The following DEFB119 variants were observed in gnomAD, a reference collection of about 807,000 sequenced individuals.
DEFB119 encodes the protein defensin beta 119, also known as beta-defensin 119.
DEFB119 carries 3 observed loss-of-function variants against 2.5 expected under a neutral mutation model. The ratio of observed to expected loss-of-function variants is 1.19; its 90% CI spans 0.54 to 3.07. DEFB119 has a LOEUF of 3.07. Ranked by LOEUF, DEFB119 falls within the 30% of genes most tolerant of loss-of-function variation. DEFB119 has a pLI of 0.03. For missense variants in DEFB119, 113 were observed against 101.1 expected (o/e 1.12, Z -0.50); for synonymous variants, 29 against 33.7 (o/e 0.86, Z 0.48).
chr20:31,377,389 A>T lies in DEFB119; in HGVS notation c.112T>A (p.Ser38Thr), dbSNP rs1185587520. 1.9e-6 allele frequency: 3 copies of T among 1,613,896 alleles called. No homozygotes were observed. The highest frequency in any genetic ancestry group is 2.5e-6 in the Non-Finnish European group (3 of 1,179,978). The change falls in exon 2 of 2, where the codon TCT (serine) becomes ACT (threonine). Residue 38 changes from serine to threonine, a missense_variant. Transcript: ENST00000376321. ...TAGGGCTGTTCGTTCTTTTTGCAAG[A>T]GGCCCTACAAATTCCACTGTTACCC... Reference protein sequence around the residue: ...CMGNSGICRASCKKNEQPYLY... With the variant: ...CMGNSGICRATCKKNEQPYLY...
Position 31,386,415 on chromosome 20 carries a change from C to T in DEFB119, c.61+4008G>A, listed in dbSNP as rs552738825. Among the ~76,000 whole-genome samples, 4 of 152,104 alleles carry T rather than the reference C, an allele frequency of 2.6e-5. No individual in the cohort carries two copies. In the East Asian group the frequency reaches 7.7e-4, roughly 29 times the overall value. On this transcript the variant is annotated intron_variant, in intron 1 of 1. Transcript: ENST00000376321. ...AGTGGGCTGAAAAATAGATTGTGAACCTAAGTATGCATCAACAGATGAACG... is the reference window on the plus strand; with the variant it reads ...AGTGGGCTGAAAAATAGATTGTGAATCTAAGTATGCATCAACAGATGAACG...
Position 31,390,440 on chromosome 20 carries a change from T to G in DEFB119, c.44A>C (p.Glu15Ala). 1 of 1,612,394 alleles carries G rather than the reference T, an allele frequency of 6.2e-7. No individual in the cohort carries two copies. Among genetic ancestry groups the G allele is most frequent in the East Asian group, 2.2e-5 (1 of 44,746 alleles). The change falls in exon 1 of 2, where the codon GAA becomes GCA. Residue 15 changes from glutamate to alanine, a missense_variant. Glu to Ala is a moderately radical substitution (Grantham distance 107, BLOSUM62 -1). Coordinates refer to ENST00000376321, the MANE Select transcript of DEFB119 (RefSeq NM_153289.4). ...CACGTTACCTGATATCACTGGTTCT[T>G]CTATGGCCAGAAGGATGGCAAGAAA... ...YLFLAILLAI[E>A]EPVISGKRHI...
intron 1 of DEFB119, chr20:31,378,365 G>A (rs1432186081): frequency 6.2e-7 from 1 of 1,614,142 alleles, no homozygotes; most frequent in Non-Finnish European, 8.5e-7. Flanking sequence ...GCAGTATCCA[G>A]GCAGCATCCC....
chr20:31,389,178 G>C, intron 1 of DEFB119: 1 of 1,614,146 alleles, frequency 6.2e-7, no homozygotes, highest in Non-Finnish European at 8.5e-7. Flanking sequence ...GTATGATGCT[G>C]TCTTCACCAT....
intron 1 of DEFB119, among the ~76,000 whole-genome samples, chr20:31,387,742 G>T (rs1488934097): frequency 6.6e-6 from 1 of 152,158 alleles, no homozygotes; most frequent in African/African-American, 2.4e-5. Context: ...CCTTGAAGCA[G>T]GCACAAGGTT....
At chr20:31,380,607 G>A (rs760189710) in intron 1 of DEFB119, among the ~76,000 whole-genome samples, 10 of 151,734 alleles carry the variant, frequency 6.6e-5, no homozygotes, top group African/African-American at 1.2e-4. Context: ...AAGGTGTGAC[G>A]TTTAGGTTTA....
At chr20:31,379,660 A>AT (rs35167239) in intron 1 of DEFB119, among the ~76,000 whole-genome samples, 74 of 137,218 alleles carry the variant, frequency 5.4e-4, no homozygotes, top group East Asian at 4.7e-3. Flanking sequence ...CACCCAACTA[A>AT]TTTTTTTTTT....
upstream of DEFB119, chr20:31,390,621 A>C (rs1986901025): frequency 1.4e-6 from 1 of 740,222 alleles, no homozygotes; most frequent in Non-Finnish European, 2.2e-6. Flanking sequence ...GATTTATATG[A>C]GGTCATCCAG....
chr20:31,386,092 A>T (rs1986693015), intron 1 of DEFB119, among the ~76,000 whole-genome samples: 1 of 152,006 alleles, frequency 6.6e-6, no homozygotes, highest in Non-Finnish European at 1.5e-5. Flanking sequence ...AGGGACAGTC[A>T]TGGGAGGTGA....
intron 1 of DEFB119, among the ~76,000 whole-genome samples, chr20:31,385,127 T>G (rs766469564): frequency 2.0e-5 from 3 of 152,196 alleles, no homozygotes; most frequent in Non-Finnish European, 1.5e-5. Context: ...ACTATTATTC[T>G]GCTAGATGGA....
chr20:31,383,205 T>C (rs779317585), intron 1 of DEFB119, among the ~76,000 whole-genome samples: 22 of 152,154 alleles, frequency 1.4e-4, no homozygotes, highest in Non-Finnish European at 3.1e-4. Flanking sequence ...AATTGAATCA[T>C]GGGAGTAGGT....
upstream of DEFB119, chr20:31,390,610 G>A (rs529827734): frequency 8.4e-6 from 7 of 836,680 alleles, no homozygotes; most frequent in East Asian, 1.8e-4. Flanking sequence ...GAACAGGAGG[G>A]GATTTATATG....
At chr20:31,388,836 C>A in intron 1 of DEFB119, 2 of 1,048,762 alleles carry the variant, frequency 1.9e-6, no homozygotes, top group Non-Finnish European at 2.7e-6. Context: ...ATCTTCAAGA[C>A]TGTAATGATC....
chr20:31,389,758 A>C (rs543634904), intron 1 of DEFB119, among the ~76,000 whole-genome samples: 2 of 152,208 alleles, frequency 1.3e-5, no homozygotes, highest in South Asian at 4.1e-4. Flanking sequence ...GCCTGCCTTA[A>C]TTAGAACTCC....
chr20:31,390,557 G>T lies in DEFB119; in HGVS notation c.-74C>A. 5 of 1,441,994 alleles carry T rather than the reference G, an allele frequency of 3.5e-6. No homozygotes were observed. Among genetic ancestry groups the T allele is most frequent in the Non-Finnish European group, 4.8e-6 (5 of 1,036,182 alleles). 89.3% of individuals were successfully genotyped at this position (1,441,994 alleles called of 1,614,324 possible). A position where few individuals can be genotyped will look rare whatever the true frequency, so the allele number is the denominator to read the frequency against. On this transcript the variant is annotated 5_prime_UTR_variant, in exon 1 of 2. Transcript: ENST00000376321. ...ATAGGGTTCCCTGCAGCACGGCAGA[G>T]ATGAGCTTTGCTTTTATCAGCAGGG...
At chr20:31,386,762 T>C (rs906822611) in intron 1 of DEFB119, among the ~76,000 whole-genome samples, 1 of 151,942 alleles carries the variant, frequency 6.6e-6, no homozygotes, top group African/African-American at 2.4e-5. Flanking sequence ...GTAGGGTGAC[T>C]ATAGTTAACA....
chr20:31,387,922 G>C (rs1986773303), intron 1 of DEFB119, among the ~76,000 whole-genome samples: 2 of 152,216 alleles, frequency 1.3e-5, no homozygotes, highest in South Asian at 4.1e-4. Flanking sequence ...TCTAAGGGCA[G>C]AAATATTGAG....
At chr20:31,386,810 C>CTTTTTTTTTT (rs148428945) in intron 1 of DEFB119, among the ~76,000 whole-genome samples, 19 of 108,904 alleles carry the variant, frequency 1.7e-4, no homozygotes, top group African/African-American at 2.4e-4. Context: ...TTTTCTTTTT[C>CTTTTTTTTTT]TTTTTTTTTT....
intron 1 of DEFB119, among the ~76,000 whole-genome samples, chr20:31,384,834 G>A (rs1986633189): frequency 6.6e-6 from 1 of 152,154 alleles, no homozygotes; most frequent in Non-Finnish European, 1.5e-5. Context: ...CATGTGAGTG[G>A]TAAGAACAGT....
Sources: gnomAD v4.1 joint callset for allele counts (sites outside exome capture counted in the v4.1 genomes callset) on GRCh38, gnomAD v4.1.1 for gene constraint, MANE v1.5 for transcripts, NCBI Gene and HGNC (gene_info 2026-07-23, HGNC 2026-07-21) for gene names.